RDX: variants seen among roughly 807,000 people sequenced by gnomAD.
The protein encoded by RDX is radixin.
In RDX, 32 loss-of-function variants were observed where a neutral mutation model predicts 83.7. The observed-to-expected ratio is 0.38, with a 90% CI of 0.29 to 0.51. RDX has a LOEUF of 0.51. Among genes scored for constraint, RDX ranks in the 20% least tolerant of loss-of-function variants. The pLI is 0.87. For missense variants in RDX, 600 were observed against 689.9 expected, an observed-to-expected ratio of 0.87 and a Z score of 1.46; for synonymous variants, 229 against 222.7, an observed-to-expected ratio of 1.03 and a Z score of -0.25.
At chr11:110,208,186 C>T (rs558405291) in intron 14 of RDX, among the ~76,000 whole-genome samples, 30 of 152,234 alleles carry the variant, frequency 2.0e-4, no homozygotes, top group African/African-American at 6.3e-4. Flanking sequence ...ATGTTACTAA[C>T]GCTTTCTCTC....
At chr11:110,196,631 T>TA (rs930393251) in intron 15 of RDX, among the ~76,000 whole-genome samples, 2 of 152,214 alleles carry the variant, frequency 1.3e-5, no homozygotes, top group Non-Finnish European at 2.9e-5. Context: ...TCACCTTATT[T>TA]ACACCAGCTC....
chr11:110,198,530 G>A (rs1005605259), intron 15 of RDX, among the ~76,000 whole-genome samples: 1 of 152,176 alleles, frequency 6.6e-6, no homozygotes, highest in African/African-American at 2.4e-5. Flanking sequence ...CCTGAGCGCC[G>A]CCTCTTGTCA....
At chr11:110,247,423 CAAT>C (rs1052558294) in intron 10 of RDX, among the ~76,000 whole-genome samples, 19 of 151,766 alleles carry the variant, frequency 1.3e-4, no homozygotes, top group Non-Finnish European at 2.6e-4. Flanking sequence ...TATACATTTA[CAAT>C]TATTTAAGAA....
intron 12 of RDX, among the ~76,000 whole-genome samples, chr11:110,234,500 A>G (rs77799312): frequency 1.3e-5 from 2 of 152,164 alleles, no homozygotes; most frequent in Admixed American, 6.5e-5. Context: ...TTGAATATAT[A>G]AACAGGAAGT....
chr11:110,188,335 T>TAATAACAACAAC (rs869101066), intron 15 of RDX, among the ~76,000 whole-genome samples: 34 of 149,042 alleles, frequency 2.3e-4, no homozygotes, highest in African/African-American at 7.9e-4. Context: ...ATAATAATAA[T>TAATAACAACAAC]AACAATAATA....
intron 1 of RDX, among the ~76,000 whole-genome samples, chr11:110,285,878 A>G (rs1248593083): frequency 1.3e-5 from 2 of 151,998 alleles, no homozygotes; most frequent in Admixed American, 1.3e-4. Context: ...CTCTAACTTG[A>G]AACAAAACCT....
chr11:110,206,254 C>T (rs1173053254), intron 14 of RDX, among the ~76,000 whole-genome samples: 1 of 51,330 alleles, frequency 1.9e-5, no homozygotes, highest in African/African-American at 1.3e-4. Flanking sequence ...GAGAGTCCAT[C>T]TCAAAAAAAA....
intron 15 of RDX, chr11:110,181,819 C>T (rs1007360227): frequency 6.6e-6 from 1 of 152,512 alleles, no homozygotes; most frequent in African/African-American, 2.4e-5. Flanking sequence ...AAGTCAGCTT[C>T]ACTGTCCTGC....
rs566697885 is a variant in RDX, at chr11:110,276,821, G to A, written c.12+2860C>T. The stretch of plus-strand genomic sequence containing the variant: ...TGACATCCTAAAAGCACGGAAACCT[G>A]AAGATGAGTTAATTTTGAGGAAAAA... On this transcript the variant is annotated intron_variant, in intron 2 of 13. Transcript: ENST00000645495. Among the ~76,000 whole-genome samples the A allele has an allele frequency of 7.9e-5, 12 of 152,254 alleles. No individual in the cohort carries two copies. In the East Asian group the frequency reaches 1.9e-3, roughly 24 times the overall value.
At chr11:110,293,410 C>T (rs897314712) in intron 1 of RDX, among the ~76,000 whole-genome samples, 12 of 152,092 alleles carry the variant, frequency 7.9e-5, no homozygotes, top group Admixed American at 6.6e-4. Flanking sequence ...TTAAGCTATA[C>T]ATTCAATATA....
At chr11:110,273,356 C>T (rs890984168) in intron 2 of RDX, among the ~76,000 whole-genome samples, 8 of 152,218 alleles carry the variant, frequency 5.3e-5, no homozygotes, top group African/African-American at 9.6e-5. Flanking sequence ...ATACATTATT[C>T]GCTTTAGGAA....
intron 3 of RDX, among the ~76,000 whole-genome samples, chr11:110,268,781 T>A (rs1318778184): frequency 2.6e-5 from 4 of 152,112 alleles, no homozygotes; most frequent in African/African-American, 4.8e-5. Flanking sequence ...GTTTTTTTTT[T>A]AATTAATATA....
chr11:110,180,233 T>C (rs1185845006), intron 15 of RDX, among the ~76,000 whole-genome samples: 1 of 152,154 alleles, frequency 6.6e-6, no homozygotes, highest in Non-Finnish European at 1.5e-5. Flanking sequence ...AGCTATTGAG[T>C]TGCAAAAGTG....
In RDX at chr11:110,279,683, G is replaced by T. The variant is rs1860670994; in HGVS notation, c.10C>A (p.Pro4Thr). ...CAAATGTAATAAAATACACTTACTGGTTTCGGCATTTTCTTTCTCTTTTTG... is the reference window on the plus strand; with the variant it reads ...CAAATGTAATAAAATACACTTACTGTTTTCGGCATTTTCTTTCTCTTTTTG... MPKPINVRVTTMDA... is the reference protein window; with the variant it reads MPKTINVRVTTMDA... The change falls in exon 2 of 14, where the codon CCA becomes ACA. Residue 4 changes from proline (P) to threonine (T), a missense_variant and splice_region_variant. Physicochemically the swap from Pro to Thr is conservative, Grantham distance 38 (BLOSUM62 -1). Coordinates refer to ENST00000645495, the MANE Select transcript of RDX (RefSeq NM_002906.4). The T allele has an allele frequency of 2.0e-6, 3 of 1,524,808 alleles. No individual in the cohort carries two copies. Among genetic ancestry groups the T allele is most frequent in the Non-Finnish European group, 9.1e-7 (1 of 1,101,978 alleles). The allele number at this position is 1,524,808 out of a possible 1,614,324, so 94.5% of individuals were successfully genotyped here.
chr11:110,279,423 G>C (rs1342141170), intron 2 of RDX, among the ~76,000 whole-genome samples: 1 of 152,146 alleles, frequency 6.6e-6, no homozygotes, highest in Non-Finnish European at 1.5e-5. Flanking sequence ...CTACTCAGGA[G>C]GCTGAGGCAG....
At chr11:110,227,755 G>A (rs1864479849), downstream of RDX, among the ~76,000 whole-genome samples, 1 of 152,026 alleles carries the variant, frequency 6.6e-6, no homozygotes, top group Admixed American at 6.6e-5. Context: ...GCTAAATGAC[G>A]ACCATTAAAT....
chr11:110,281,212 C>T (rs1860748260), intron 1 of RDX, among the ~76,000 whole-genome samples: 1 of 152,046 alleles, frequency 6.6e-6, no homozygotes, highest in Non-Finnish European at 1.5e-5. Flanking sequence ...AAGAGAAATT[C>T]TCTAAGTTGT....
chr11:110,295,861 G>T (rs1042142439), intron 1 of RDX, among the ~76,000 whole-genome samples: 2 of 152,234 alleles, frequency 1.3e-5, no homozygotes, highest in Non-Finnish European at 2.9e-5. Context: ...CGCGGCCCTG[G>T]CCTGGCGGGT....
At chr11:110,189,243 TAAAAAAAA>T (rs35450797) in intron 15 of RDX, among the ~76,000 whole-genome samples, 769 of 35,628 alleles carry the variant, frequency 0.022, 21 homozygotes, top group African/African-American at 0.055. Context: ...GAACAACAGG[TAAAAAAAA>T]AAAAAAAAAA....
Sources: gnomAD v4.1 joint callset for allele counts (sites outside exome capture counted in the v4.1 genomes callset) on GRCh38, gnomAD v4.1.1 for gene constraint, MANE v1.5 for transcripts, NCBI Gene and HGNC (gene_info 2026-07-23, HGNC 2026-07-21) for gene names.